Variants in PUS3 observed in about 807,000 individuals in gnomAD.
The protein encoded by PUS3 is pseudouridine synthase 3, also known as tRNA pseudouridine(38/39) synthase.
In PUS3, 36 loss-of-function variants were observed where a neutral mutation model predicts 43.3. That is an observed-to-expected ratio of 0.83 (90% CI 0.64 to 1.10). The LOEUF (loss-of-function observed/expected upper bound fraction) is 1.10, where lower values mean the gene tolerates loss of function less well. Ranked by LOEUF, PUS3 falls within the 50% of genes least tolerant of loss-of-function variation. The pLI is 0.00. For synonymous variants in PUS3, 183 were observed against 199.2 expected (o/e 0.92, Z 0.69); for missense variants, 544 against 589.9 (o/e 0.92, Z 0.81).
At chr11:125,899,267 A>T (rs1944683278) in intron 1 of PUS3, 1 of 1,005,484 alleles carries the variant, frequency 9.9e-7, no homozygotes, top group Non-Finnish European at 1.5e-6. Flanking sequence ...GACTGCTATA[A>T]AACGGAGATA....
At position 125,903,162 on chromosome 11, in the gene PUS3, A is replaced by G. The variant is rs1944822244; in HGVS notation, c.-47+8T>C. On this transcript the variant is annotated splice_region_variant and intron_variant, in intron 1 of 3. Coordinates refer to ENST00000227474, the MANE Select transcript of PUS3 (RefSeq NM_031307.4). ...GAAAGTAACCCACTCCAAAAATCCC[A>G]CACTTACTTTCCGGCAGCCGGCCGC... The G allele has an allele frequency of 1.0e-6, 1 of 985,170 alleles. No individual in the cohort carries two copies. Among genetic ancestry groups the G allele is most frequent in the Non-Finnish European group, 1.2e-6 (1 of 829,696 alleles). The allele number at this position is 985,170 out of a possible 1,614,324, so 61.0% of individuals were successfully genotyped here.
intron 1 of PUS3, among the ~76,000 whole-genome samples, chr11:125,898,613 G>T (rs1944662787): frequency 1.3e-5 from 2 of 151,930 alleles, no homozygotes; most frequent in Admixed American, 1.3e-4. Context: ...GGAGGTGGAG[G>T]TTGCAATGAG....
intron 1 of PUS3, chr11:125,899,112 G>A: frequency 2.0e-6 from 1 of 494,874 alleles, no homozygotes; most frequent in African/African-American, 1.9e-5. Context: ...AGGACCTGAA[G>A]GTGGCAAGAC....
In PUS3 at chr11:125,893,829, T is replaced by C. The variant is rs1412207372; in HGVS notation, c.1402A>G (p.Thr468Ala). The C allele has an allele frequency of 7.4e-6, 12 of 1,613,920 alleles. No individual in the cohort carries two copies. Among genetic ancestry groups the C allele is most frequent in the Middle Eastern group, 1.6e-4 (1 of 6,084 alleles). Reference sequence around the variant, plus strand: ...TCTGTGTCAACACAGACCCTCTTCGTTGGTGTCTCCAAATTAGTATTCTCT... The same window carrying C: ...TCTGTGTCAACACAGACCCTCTTCGCTGGTGTCTCCAAATTAGTATTCTCT... ...EEENTNLETP[T>A]KRVCVDTEIK... Residue 468 changes from threonine to alanine, a missense_variant, in exon 4 of 4, where the codon ACG becomes GCG. By Grantham distance (58) the Thr-to-Ala change is moderately conservative (BLOSUM62 0). Transcript: ENST00000227474.
chr11:125,899,586 T>G (rs1197555489), intron 1 of PUS3: 2 of 1,614,058 alleles, frequency 1.2e-6, no homozygotes, highest in South Asian at 1.1e-5. Context: ...TACCCACATG[T>G]AGAAAGTAAT....
chr11:125,900,024 A>G (rs1366261189), intron 1 of PUS3: 2 of 1,614,244 alleles, frequency 1.2e-6, no homozygotes, highest in Non-Finnish European at 8.5e-7. Flanking sequence ...TATTTTGAGT[A>G]CAAACGGGAC....
At chr11:125,898,552 G>A (rs1944661236) in intron 1 of PUS3, among the ~76,000 whole-genome samples, 1 of 152,088 alleles carries the variant, frequency 6.6e-6, no homozygotes, top group Non-Finnish European at 1.5e-5. Flanking sequence ...GCCCACACCT[G>A]TAGTAGTCCA....
rs374044643 is a variant in PUS3 at position 125,893,827 on chromosome 11, C to T, written c.1404G>A (p.Thr468=). 13 of 1,613,684 alleles carry T rather than the reference C, an allele frequency of 8.1e-6. No homozygotes were observed. The highest frequency in any genetic ancestry group is 4.5e-5 in the East Asian group (2 of 44,882). ...TTTCTGTGTCAACACAGACCCTCTT[C>T]GTTGGTGTCTCCAAATTAGTATTCT... is the stretch of plus-strand genomic sequence containing the variant. ...EEENTNLETP[T]KRVCVDTEIK... Residue 468 remains threonine (T), a synonymous_variant, in exon 4 of 4, where the codon ACG becomes ACA. Coordinates refer to ENST00000227474, the MANE Select transcript of PUS3 (RefSeq NM_031307.4).
chr11:125,900,947 C>A (rs1944754082), intron 1 of PUS3: 3 of 148,952 alleles, frequency 2.0e-5, no homozygotes. Context: ...GGGGGCGGGG[C>A]CTGCAGTGAG....
At chr11:125,902,370 TGGTGGCGG>T (rs1476241213) in intron 1 of PUS3, among the ~76,000 whole-genome samples, 1 of 7,322 alleles carries the variant, frequency 1.4e-4, no homozygotes, top group African/African-American at 4.8e-4. Flanking sequence ...CAAGACGGGG[TGGTGGCGG>T]GGGGGAGGGG....
intron 3 of PUS3, 68 bp from the exon 4 acceptor site, chr11:125,894,354 G>C: frequency 7.3e-7 from 1 of 1,366,962 alleles, no homozygotes; most frequent in South Asian, 1.4e-5. Flanking sequence ...TAAAAACTAA[G>C]GGTTAGTTGC....
At chr11:125,894,627 T>G (rs1273256436) in intron 3 of PUS3, among the ~76,000 whole-genome samples, 1 of 152,254 alleles carries the variant, frequency 6.6e-6, no homozygotes, top group African/African-American at 2.4e-5. Context: ...GTAAAATTAT[T>G]GGTATCTATC....
chr11:125,896,260 T>C lies in PUS3; in HGVS notation c.25A>G (p.Asn9Asp), dbSNP rs201192937. Residue 9 changes from asparagine to aspartate, a missense_variant, in exon 2 of 4, where the codon AAC becomes GAC. By Grantham distance (23) the Asn-to-Asp change is conservative. Transcript: ENST00000227474. The stretch of plus-strand genomic sequence containing the variant: ...CTTTTTAGGAGCTTCTCAGTCTGGT[T>C]TCTGTCTGTGTCATTATAAGCCATG... MAYNDTDR[N>D]QTEKLLKRVR... is the part of the protein sequence containing the mutation. 5.6e-5 allele frequency: 91 copies of C among 1,612,150 alleles called. No individual in the cohort carries two copies. The African/African-American group carries it at 8.0e-4, about 14-fold the overall frequency.
intron 1 of PUS3, chr11:125,900,867 G>A (rs939774789): frequency 2.0e-5 from 3 of 152,900 alleles, no homozygotes; most frequent in South Asian, 2.1e-4. Flanking sequence ...AAAATTAGCC[G>A]GGCGAGGTGG....
rs1217594447 is a variant in PUS3, at chr11:125,900,127, C to T, written c.-47+3043G>A. 5.0e-6 allele frequency: 8 copies of T among 1,614,042 alleles called. No homozygotes were observed. The highest frequency in any genetic ancestry group is 2.2e-5 in the South Asian group (2 of 91,074). On this transcript the variant is annotated intron_variant, in intron 1 of 3. Transcript: ENST00000227474. ...TGCTTTGTCGAGCAGAACCCCAATC[C>T]AAACCTCAGCATATATATGTCCCAA...
Position 125,895,889 on chromosome 11 carries a change from CAG to C in PUS3, c.378+16_378+17del. ...TCCTAGTATTGCTTGCTTTGAGAAA[CAG>C]TGTATTGGCCCTTACCTGTCCAAAG... is the stretch of plus-strand genomic sequence containing the variant. On this transcript the variant is annotated intron_variant, in intron 2 of 3. Coordinates refer to ENST00000227474, the MANE Select transcript of PUS3 (RefSeq NM_031307.4). The C allele has an allele frequency of 6.2e-7, 1 of 1,606,512 alleles. No individual in the cohort carries two copies. The highest frequency in any genetic ancestry group is 8.5e-7 in the Non-Finnish European group (1 of 1,177,416).
In PUS3 at chr11:125,900,058, T is replaced by G. The variant is rs745497400; in HGVS notation, c.-47+3112A>C. ...ACTGGGACTCAATACGTTTACCTGG[T>G]GAAGATCATAGAAAGGAATTACGCT... On this transcript the variant is annotated intron_variant, in intron 1 of 3. Coordinates refer to ENST00000227474, the MANE Select transcript of PUS3 (RefSeq NM_031307.4). The G allele has an allele frequency of 8.7e-6, 14 of 1,614,168 alleles. No individual in the cohort carries two copies. The highest frequency in any genetic ancestry group is 1.2e-5 in the Non-Finnish European group (14 of 1,180,022).
intron 1 of PUS3, chr11:125,899,151 G>C (rs1944680019): frequency 1.8e-6 from 1 of 555,004 alleles, no homozygotes; most frequent in Non-Finnish European, 3.2e-6. Flanking sequence ...GAGTGGAAAT[G>C]AAAGCAGGTA....
In PUS3 at chr11:125,898,530, C is replaced by T. The variant is rs183078107; in HGVS notation, c.-46-2200G>A. Among the ~76,000 whole-genome samples the T allele has an allele frequency of 1.4e-3, 210 of 152,136 alleles. 5 individuals carry two copies. In the South Asian group the frequency reaches 0.023, roughly 17 times the overall value. On this transcript the variant is annotated intron_variant, in intron 1 of 3. Transcript: ENST00000227474. ...TCTCTACTAAAAATTCAAAAATTAGCCAGGCGTGGTGGCCCACACCTGTAG... is the reference window on the plus strand; with the variant it reads ...TCTCTACTAAAAATTCAAAAATTAGTCAGGCGTGGTGGCCCACACCTGTAG...
Sources: gnomAD v4.1 joint callset for allele counts (sites outside exome capture counted in the v4.1 genomes callset) on GRCh38, gnomAD v4.1.1 for gene constraint, MANE v1.5 for transcripts, NCBI Gene and HGNC (gene_info 2026-07-23, HGNC 2026-07-21) for gene names.